The following MAML2 variants were observed in gnomAD, a reference collection of about 807,000 sequenced individuals.
MAML2 encodes the protein mastermind-like protein 2.
Under a neutral mutation model 96.1 loss-of-function variants are expected in MAML2, and 22 were observed. The ratio of observed to expected loss-of-function variants is 0.23; its 90% CI spans 0.16 to 0.33. MAML2 has a LOEUF of 0.33. Among genes scored for constraint, MAML2 ranks in the 10% least tolerant of loss-of-function variants. MAML2 has a pLI of 1.00. For synonymous variants in MAML2, 561 were observed against 521.3 expected, an observed-to-expected ratio of 1.08 and a Z score of -1.04; for missense variants, 1,367 against 1,392.4, an observed-to-expected ratio of 0.98 and a Z score of 0.29.
At chr11:96,280,361 C>T (rs1025277268) in intron 1 of MAML2, among the ~76,000 whole-genome samples, 2 of 152,122 alleles carry the variant, frequency 1.3e-5, no homozygotes, top group African/African-American at 4.8e-5. Flanking sequence ...CCCACCTTAA[C>T]TCATGGTAAT....
intron 1 of MAML2, among the ~76,000 whole-genome samples, chr11:96,326,028 G>C (rs1863770829): frequency 6.6e-6 from 1 of 151,868 alleles, no homozygotes. Context: ...AAGGAACAAA[G>C]AGCTGTGCAT....
In MAML2 at chr11:95,979,025, A is replaced by T. The variant is rs1409165254; in HGVS notation, c.3394T>A (p.Leu1132Ile). 6.2e-7 allele frequency: 1 copy of T among 1,613,872 alleles called. No homozygotes were observed. Among genetic ancestry groups the T allele is most frequent in the East Asian group, 2.2e-5 (1 of 44,884 alleles). ...LNSDADFIDS[L>I]LKTEPGNDDW... is the part of the protein sequence containing the mutation. ...TCATTACCAGGCTCTGTCTTCAATA[A>T]AGAATCAATGAAATCAGCATCACTG... Residue 1132 changes from leucine (L) to isoleucine (I), a missense_variant, in exon 5 of 5, where the codon TTA (leucine) becomes ATA (isoleucine). By Grantham distance (5) the Leu-to-Ile change is conservative. Transcript: ENST00000524717.
intron 1 of MAML2, among the ~76,000 whole-genome samples, chr11:96,147,342 TTA>T (rs1659485940): frequency 6.6e-6 from 1 of 152,236 alleles, no homozygotes; most frequent in Admixed American, 6.5e-5. Flanking sequence ...ACATAAAAGT[TTA>T]TAGCATAACC....
At chr11:96,034,264 A>G (rs1858663963) in intron 2 of MAML2, among the ~76,000 whole-genome samples, 1 of 152,240 alleles carries the variant, frequency 6.6e-6, no homozygotes, top group South Asian at 2.1e-4. Flanking sequence ...ATGATCACTC[A>G]TAAAGTCTGG....
In MAML2 at chr11:96,269,782, T is replaced by A. The variant is rs142464185; in HGVS notation, c.513+71601A>T. Among the ~76,000 whole-genome samples, 1,372 of 143,774 alleles carry A rather than the reference T, an allele frequency of 9.5e-3. 246 individuals carry two copies. The highest frequency in any genetic ancestry group is 0.035 in the African/African-American group (1,296 of 37,420). 94.3% of individuals were successfully genotyped at this position (143,774 alleles called of 152,430 possible). ...TGCCTTGGCCTCCCAAAGTGTTGGG[T>A]TTACAGGTGTGAGCCTCCATGCCCA... On this transcript the variant is annotated intron_variant, in intron 1 of 4. Transcript: ENST00000524717.
chr11:96,305,131 A>C (rs1165348444), intron 1 of MAML2, among the ~76,000 whole-genome samples: 2 of 152,232 alleles, frequency 1.3e-5, no homozygotes. Context: ...TAATATTTTA[A>C]AATTAAAGCT....
intron 2 of MAML2, among the ~76,000 whole-genome samples, chr11:96,082,363 G>C (rs180726167): frequency 3.9e-5 from 6 of 152,266 alleles, no homozygotes; most frequent in Non-Finnish European, 2.9e-5. Flanking sequence ...ACTGTGCTGT[G>C]GGTACTAGAG....
chr11:96,122,566 C>T (rs1005076917), intron 1 of MAML2, among the ~76,000 whole-genome samples: 1 of 151,062 alleles, frequency 6.6e-6, no homozygotes, highest in African/African-American at 2.4e-5. Flanking sequence ...GAGATTTTTT[C>T]CCCATAGAAA....
intron 1 of MAML2, among the ~76,000 whole-genome samples, chr11:96,149,559 C>T (rs1860886068): frequency 6.6e-6 from 1 of 151,896 alleles, no homozygotes; most frequent in African/African-American, 2.4e-5. Context: ...TGGTGAATCC[C>T]CATCTCTACT....
chr11:96,314,739 G>A (rs1440399985), intron 1 of MAML2, among the ~76,000 whole-genome samples: 1 of 152,122 alleles, frequency 6.6e-6, no homozygotes, highest in Non-Finnish European at 1.5e-5. Context: ...AGATAATATA[G>A]ACTCATTTTG....
rs7931870 is a variant in MAML2, at chr11:96,092,633, A to G, written c.1398T>C (p.Ser466=). The G allele has an allele frequency of 0.55, 885,953 of 1,613,440 alleles. 249,888 individuals carry two copies. The highest frequency in any genetic ancestry group is 0.72 in the African/African-American group (53,714 of 74,922). The change falls in exon 2 of 5, where the codon TCT becomes TCC. Residue 466 remains serine (S), a synonymous_variant. Coordinates refer to ENST00000524717, the MANE Select transcript of MAML2 (RefSeq NM_032427.4). This position sits in a 1 kb window ranked among gnomAD's most constrained non-coding sequence, Gnocchi z 4.1. ...ATGGACCTGGTGATGGTCCAGCAGA[A>G]GAGGGCAAGGCTGACCAGTTGGTAG... ...HQPTNWSALP[S]SAGPSPGPFG... is the part of the protein sequence containing the mutation.
intron 1 of MAML2, among the ~76,000 whole-genome samples, chr11:96,122,494 CTGGG>C (rs1213314038): frequency 1.5e-5 from 1 of 66,670 alleles, no homozygotes; most frequent in Non-Finnish European, 3.1e-5. Flanking sequence ...ATCTTTTAGG[CTGGG>C]TGTGTGTGTG....
intron 1 of MAML2, among the ~76,000 whole-genome samples, chr11:96,171,068 C>A (rs1395895502): frequency 6.6e-6 from 1 of 151,896 alleles, no homozygotes; most frequent in Non-Finnish European, 1.5e-5. Context: ...ACTAGTTGAG[C>A]CCTGGGTTCC....
intron 2 of MAML2, among the ~76,000 whole-genome samples, chr11:95,993,872 T>C (rs139600778): frequency 2.3e-4 from 35 of 152,322 alleles, no homozygotes; most frequent in Admixed American, 2.0e-4. Context: ...CTGTGGTCCG[T>C]GCTTTACGTG....
chr11:96,329,100 T>A (rs921085184), intron 1 of MAML2, among the ~76,000 whole-genome samples: 1 of 152,198 alleles, frequency 6.6e-6, no homozygotes, highest in Non-Finnish European at 1.5e-5. Context: ...TTTTTTAATG[T>A]TTCATGTAAT....
intron 2 of MAML2, among the ~76,000 whole-genome samples, chr11:96,007,871 T>C (rs2135724789): frequency 1.4e-5 from 1 of 69,744 alleles, no homozygotes; most frequent in East Asian, 4.8e-4. Context: ...CTCTGGGGAC[T>C]GTGGTGGGGT....
intron 2 of MAML2, among the ~76,000 whole-genome samples, chr11:96,014,717 T>C (rs1477807219): frequency 1.3e-5 from 2 of 152,246 alleles, no homozygotes; most frequent in Non-Finnish European, 2.9e-5. Flanking sequence ...CTTTCTCTAA[T>C]TTGAAGCTCC....
Position 96,312,219 on chromosome 11 carries a change from C to CAAAAAAAAAAAAAAA in MAML2, c.513+29149_513+29163dup, listed in dbSNP as rs34658278. Among the ~76,000 whole-genome samples the CAAAAAAAAAAAAAAA allele has an allele frequency of 6.6e-3, 339 of 51,552 alleles. 11 individuals are homozygous for CAAAAAAAAAAAAAAA. The highest frequency in any genetic ancestry group is 8.0e-3 in the Non-Finnish European group (249 of 31,162). 33.8% of individuals were successfully genotyped at this position (51,552 alleles called of 152,430 possible). A position where few individuals can be genotyped will look rare whatever the true frequency, so the allele number is the denominator to read the frequency against. Reference sequence around the variant, plus strand: ...TGGGCGACAGAGCAAGACTCTATCTCAAAAAAAAAAAAAAAAAAAAAAAAA... The same window carrying CAAAAAAAAAAAAAAA: ...TGGGCGACAGAGCAAGACTCTATCTCAAAAAAAAAAAAAAAAAAAAAAAAAAAAAAAAAAAAAAAA... On this transcript the variant is annotated intron_variant, in intron 1 of 4. Coordinates refer to ENST00000524717, the MANE Select transcript of MAML2 (RefSeq NM_032427.4).
intron 1 of MAML2, among the ~76,000 whole-genome samples, chr11:96,144,273 G>A (rs11820542): frequency 1.0e-3 from 156 of 152,290 alleles, no homozygotes; most frequent in African/African-American, 3.6e-3. Flanking sequence ...AAACAAATAC[G>A]TACATCTAGA....
Sources: gnomAD v4.1 joint callset for allele counts (sites outside exome capture counted in the v4.1 genomes callset) on GRCh38, gnomAD v4.1.1 for gene constraint, Gnocchi (gnomAD v3.1) non-coding constraint, MANE v1.5 for transcripts, NCBI Gene and HGNC (gene_info 2026-07-23, HGNC 2026-07-21) for gene names.